The following ARHGEF38 variants were observed in gnomAD, a reference collection of about 807,000 sequenced individuals.
The protein encoded by ARHGEF38 is Rho guanine nucleotide exchange factor (GEF) 38.
In ARHGEF38, 79 loss-of-function variants were observed where a neutral mutation model predicts 79.9. That is an observed-to-expected ratio of 0.99 (90% CI 0.82 to 1.19). The LOEUF is 1.19. Among genes scored for constraint, ARHGEF38 ranks in the 50% most tolerant of loss-of-function variants. ARHGEF38 has a pLI of 0.00. For missense variants in ARHGEF38, 962 were observed against 907.2 expected (o/e 1.06, Z -0.78); for synonymous variants, 366 against 328.3 (o/e 1.11, Z -1.24).
At chr4:105,561,470 GAATAGAATA>G (rs1725587552) in intron 1 of ARHGEF38, 1 of 113,154 alleles carries the variant, frequency 8.8e-6, no homozygotes, top group Non-Finnish European at 1.9e-5. Flanking sequence ...GAATAGAATA[GAATAGAATA>G]GAATAGAATA....
At chr4:105,568,834 C>T (rs576841137) in intron 1 of ARHGEF38, among the ~76,000 whole-genome samples, 35 of 152,218 alleles carry the variant, frequency 2.3e-4, no homozygotes, top group African/African-American at 7.2e-4. Flanking sequence ...TGAGAACAAA[C>T]GAATACATAC....
At chr4:105,664,104 G>A (rs1158942638) in intron 10 of ARHGEF38, among the ~76,000 whole-genome samples, 1 of 152,080 alleles carries the variant, frequency 6.6e-6, no homozygotes, top group African/African-American at 2.4e-5. Flanking sequence ...AATGACCATA[G>A]GTGTGCAAAT....
intron 13 of ARHGEF38, among the ~76,000 whole-genome samples, chr4:105,675,420 A>G (rs1406922395): frequency 6.6e-6 from 1 of 152,190 alleles, no homozygotes; most frequent in Non-Finnish European, 1.5e-5. Flanking sequence ...TAGTACTTTT[A>G]ATTTTCTTCT....
rs28822077 is a variant in ARHGEF38, at chr4:105,670,048, T to C, written c.2148+2345T>C. Among the ~76,000 whole-genome samples, 1,494 of 152,338 alleles carry C rather than the reference T, an allele frequency of 9.8e-3. 32 individuals are homozygous for C. The highest frequency in any genetic ancestry group is 0.034 in the African/African-American group (1,411 of 41,574). On this transcript the variant is annotated intron_variant, in intron 13 of 13. Transcript: ENST00000420470. Reference sequence around the variant, plus strand: ...AATCCACTCACCAGTTGATGGTCATTTGGGTAACTTCTAGTTTGGGGCTAT... The same window carrying C: ...AATCCACTCACCAGTTGATGGTCATCTGGGTAACTTCTAGTTTGGGGCTAT...
intron 1 of ARHGEF38, among the ~76,000 whole-genome samples, chr4:105,585,738 T>G (rs1198352429): frequency 3.1e-5 from 4 of 128,032 alleles, no homozygotes; most frequent in Non-Finnish European, 6.5e-5. Flanking sequence ...TTTTTTTTTT[T>G]TTTTTTTTTT....
chr4:105,599,160 G>A (rs903840131), intron 2 of ARHGEF38, among the ~76,000 whole-genome samples: 1 of 152,018 alleles, frequency 6.6e-6, no homozygotes, highest in East Asian at 1.9e-4. Flanking sequence ...TCTTATCTTT[G>A]CTTGTTCAGA....
rs1222700268 is a variant in ARHGEF38 at position 105,655,593 on chromosome 4, TG to T, written c.1114-7del. 2 of 1,533,344 alleles carry T rather than the reference TG, an allele frequency of 1.3e-6. No individual in the cohort carries two copies. Among genetic ancestry groups the T allele is most frequent in the South Asian group, 2.4e-5 (2 of 82,974 alleles). 95.0% of individuals were successfully genotyped at this position (1,533,344 alleles called of 1,614,324 possible). ...CTTGCCTTTTTTGTAACTTTGTTCT[TG>T]GGTTTCAGGATGCCATGCCCCTGGC... On this transcript the variant is annotated splice_polypyrimidine_tract_variant and intron_variant, in intron 8 of 13. Coordinates refer to ENST00000420470, the MANE Select transcript of ARHGEF38 (RefSeq NM_001242729.2).
intron 7 of ARHGEF38, among the ~76,000 whole-genome samples, chr4:105,653,407 C>A (rs1452293856): frequency 6.6e-6 from 1 of 151,500 alleles, no homozygotes; most frequent in Non-Finnish European, 1.5e-5. Flanking sequence ...ACTGCACCCT[C>A]CGTCTTCCGG....
chr4:105,574,300 C>A (rs929852774), intron 1 of ARHGEF38, among the ~76,000 whole-genome samples: 2 of 152,152 alleles, frequency 1.3e-5, no homozygotes, highest in African/African-American at 4.8e-5. Context: ...GTAATCCCAG[C>A]ACTTTGGGAG....
At chr4:105,563,437 G>T (rs1442723152) in intron 1 of ARHGEF38, 3 of 152,220 alleles carry the variant, frequency 2.0e-5, no homozygotes, top group Non-Finnish European at 2.9e-5. Flanking sequence ...CTGAACATCT[G>T]TAGTAGGCAC....
At chr4:105,640,254 C>T (rs780070968) in intron 5 of ARHGEF38, among the ~76,000 whole-genome samples, 36 of 152,068 alleles carry the variant, frequency 2.4e-4, no homozygotes, top group Non-Finnish European at 4.4e-4. Context: ...TCTAAGTAAA[C>T]TTCTTTTCAG....
chr4:105,563,719 A>T (rs1725750146), intron 1 of ARHGEF38, among the ~76,000 whole-genome samples: 1 of 152,160 alleles, frequency 6.6e-6, no homozygotes, highest in African/African-American at 2.4e-5. Flanking sequence ...AAATCAACTG[A>T]TTTTAATAAA....
intron 2 of ARHGEF38, among the ~76,000 whole-genome samples, chr4:105,596,898 A>G (rs918558673): frequency 6.6e-6 from 1 of 152,154 alleles, no homozygotes; most frequent in African/African-American, 2.4e-5. Flanking sequence ...CCCAGAAATT[A>G]TACAGTGCAT....
intron 10 of ARHGEF38, among the ~76,000 whole-genome samples, chr4:105,659,849 TTG>T (rs59465723): frequency 0.016 from 2,071 of 132,620 alleles, 13 homozygotes; most frequent in South Asian, 0.028. Context: ...AAGCCTGGTT[TTG>T]TGTGTGTGTG....
In ARHGEF38 at chr4:105,560,013, G is replaced by A. The variant is rs188382762; in HGVS notation, c.196+7052G>A. ...ACATGCTTGAAATATTTGCAAAATG[G>A]AATGAATTTAACTAGTTGACTCAGT... On this transcript the variant is annotated intron_variant, in intron 1 of 13. Coordinates refer to ENST00000420470, the MANE Select transcript of ARHGEF38 (RefSeq NM_001242729.2). Among the ~76,000 whole-genome samples, 133 of 152,236 alleles carry A rather than the reference G, an allele frequency of 8.7e-4. 1 individual carries two copies. In the Middle Eastern group the frequency reaches 0.01, roughly 12 times the overall value.
chr4:105,618,576 G>A (rs557054269), intron 3 of ARHGEF38, among the ~76,000 whole-genome samples: 24 of 152,228 alleles, frequency 1.6e-4, no homozygotes, highest in African/African-American at 4.3e-4. Context: ...AGCTGAGATC[G>A]TGCCACTGCA....
chr4:105,658,165 G>A (rs1288787331), intron 9 of ARHGEF38, among the ~76,000 whole-genome samples: 1 of 152,154 alleles, frequency 6.6e-6, no homozygotes, highest in Non-Finnish European at 1.5e-5. Context: ...AAAACAGAAT[G>A]TGTAGGCCAA....
chr4:105,615,632 A>T (rs1278004528), intron 3 of ARHGEF38, among the ~76,000 whole-genome samples: 1 of 152,168 alleles, frequency 6.6e-6, no homozygotes, highest in Non-Finnish European at 1.5e-5. Flanking sequence ...TTCCTTTTTA[A>T]AAATTATTAT....
chr4:105,595,658 T>C (rs138826377), intron 2 of ARHGEF38, among the ~76,000 whole-genome samples: 1 of 152,210 alleles, frequency 6.6e-6, no homozygotes, highest in East Asian at 1.9e-4. Context: ...CCAAAATACA[T>C]GGAAGCTTAA....
Sources: gnomAD v4.1 joint callset for allele counts (sites outside exome capture counted in the v4.1 genomes callset) on GRCh38, gnomAD v4.1.1 for gene constraint, MANE v1.5 for transcripts, NCBI Gene and HGNC (gene_info 2026-07-23, HGNC 2026-07-21) for gene names.